ASTN2: variants seen among roughly 807,000 people sequenced by gnomAD.
ASTN2 encodes the protein astrotactin-2.
Under a neutral mutation model 139.8 loss-of-function variants are expected in ASTN2, and 54 were observed. The ratio of observed to expected loss-of-function variants is 0.39; its 90% CI spans 0.31 to 0.48. The LOEUF (loss-of-function observed/expected upper bound fraction) is 0.48. ASTN2 is among the 20% of genes least tolerant of loss of function. ASTN2 has a pLI of 0.95. For missense variants in ASTN2, 1,565 were observed against 1,725.1 expected, an observed-to-expected ratio of 0.91 and a Z score of 1.64; for synonymous variants, 756 against 719.5, an observed-to-expected ratio of 1.05 and a Z score of -0.81.
At position 117,040,563 on chromosome 9, in the gene ASTN2, A is replaced by G. The variant is rs377573901; in HGVS notation, c.1277-598T>C. On this transcript the variant is annotated intron_variant, in intron 5 of 22. Transcript: ENST00000313400. ...AACCTCCGCCACACGGGTTCAAGTG[A>G]TTCTCCCACTTCAGCCTCCTGAGTA... 8.7e-4 allele frequency among the ~76,000 whole-genome samples: 133 copies of G among 152,228 alleles called. 5 individuals are homozygous for G. In the East Asian group the frequency reaches 0.018, roughly 20 times the overall value.
At chr9:116,589,842 AG>A (rs991828569) in intron 19 of ASTN2, among the ~76,000 whole-genome samples, 1 of 152,198 alleles carries the variant, frequency 6.6e-6, no homozygotes, top group Non-Finnish European at 1.5e-5. Flanking sequence ...AAGTCCCCCT[AG>A]ATGTTGGGAC....
At chr9:117,016,612 ATATCTATC>A (rs201317557) in intron 6 of ASTN2, among the ~76,000 whole-genome samples, 277 of 5,268 alleles carry the variant, frequency 0.053, 23 homozygotes, top group East Asian at 0.31. Flanking sequence ...ATCTATATCT[ATATCTATC>A]TATCTATATA....
intron 11 of ASTN2, among the ~76,000 whole-genome samples, chr9:116,837,371 A>T (rs1832034242): frequency 6.6e-6 from 1 of 152,058 alleles, no homozygotes; most frequent in Non-Finnish European, 1.5e-5. Context: ...TCATAGGAAG[A>T]CTCTGAGCCC....
intron 12 of ASTN2, among the ~76,000 whole-genome samples, chr9:116,811,556 GCTAA>G (rs1483306413): frequency 5.3e-5 from 8 of 152,140 alleles, no homozygotes; most frequent in Non-Finnish European, 1.2e-4. Context: ...AGATTTTAGA[GCTAA>G]CTAAACTTGA....
intron 22 of ASTN2, among the ~76,000 whole-genome samples, chr9:116,437,024 A>G (rs190923159): frequency 0.022 from 3,150 of 142,638 alleles, 120 homozygotes; most frequent in African/African-American, 0.077. Flanking sequence ...ACACACGGAC[A>G]CAGGAAGGGG....
At chr9:116,946,936 C>CAAAAAAAAAAAAAAAAAAAA (rs3983292) in intron 10 of ASTN2, among the ~76,000 whole-genome samples, 32 of 127,878 alleles carry the variant, frequency 2.5e-4, no homozygotes, top group African/African-American at 9.8e-4. Context: ...ACATTTTTGT[C>CAAAAAAAAAAAAAAAAAAAA]AAAAAAAAAA....
chr9:117,378,000 A>C (rs572751961), intron 1 of ASTN2, among the ~76,000 whole-genome samples: 46 of 152,344 alleles, frequency 3.0e-4, no homozygotes, highest in South Asian at 1.2e-3. Flanking sequence ...GAAAGTGAGA[A>C]AGGGGATGCA....
Position 116,620,327 on chromosome 9 carries a change from G to A in ASTN2, c.3189C>T (p.Ser1063=). 1 of 1,614,136 alleles carries A rather than the reference G, an allele frequency of 6.2e-7. No individual in the cohort carries two copies. Among genetic ancestry groups the A allele is most frequent in the Non-Finnish European group, 8.5e-7 (1 of 1,180,030 alleles). ...ATACGTACACCGGCTGCAGAAGGGG[G>A]CTGCAGTTGGGGAGCCCATTGGCAT... ...AFDANGLPNC[S]PLLQPVLRLS... The change falls in exon 18 of 23, where the codon AGC becomes AGT. Residue 1063 remains serine, a synonymous_variant. Transcript: ENST00000313400.
intron 22 of ASTN2, among the ~76,000 whole-genome samples, chr9:116,426,960 C>T (rs1470386121): frequency 1.3e-5 from 2 of 152,106 alleles, no homozygotes; most frequent in Non-Finnish European, 2.9e-5. Context: ...TGCTGAAGAC[C>T]AGCCTTACCA....
intron 19 of ASTN2, among the ~76,000 whole-genome samples, chr9:116,507,991 C>T (rs1045360223): frequency 3.9e-5 from 6 of 152,240 alleles, no homozygotes; most frequent in South Asian, 2.1e-4. Flanking sequence ...TGGGTTCAGG[C>T]GGTTCTCCTG....
At position 116,729,018 on chromosome 9, in the gene ASTN2, T is replaced by C; in HGVS notation, c.2600A>G (p.Lys867Arg). ...WRVRSNLYRV[K>R]LSTITLAAGF... Reference sequence around the variant, plus strand: ...TGCTGCGAGGGTGATGGTGCTGAGCTTCACACGGTAGAGGTTGCTCCGGAC... The same window carrying C: ...TGCTGCGAGGGTGATGGTGCTGAGCCTCACACGGTAGAGGTTGCTCCGGAC... Residue 867 changes from lysine (K) to arginine (R), a missense_variant, in exon 15 of 23, where the codon AAG becomes AGG. Coordinates refer to ENST00000313400, the MANE Select transcript of ASTN2 (RefSeq NM_001365068.1). 6.3e-7 allele frequency: 1 copy of C among 1,585,694 alleles called. No homozygotes were observed. Among genetic ancestry groups the C allele is most frequent in the Non-Finnish European group, 8.6e-7 (1 of 1,164,880 alleles).
chr9:116,607,670 A>AACAC (rs57512218), intron 19 of ASTN2, among the ~76,000 whole-genome samples: 1,822 of 136,312 alleles, frequency 0.013, 17 homozygotes, highest in South Asian at 0.027. Flanking sequence ...TTAAGAAATT[A>AACAC]ACACACACAC....
At chr9:116,825,096 T>C (rs1831591479) in intron 11 of ASTN2, among the ~76,000 whole-genome samples, 1 of 152,206 alleles carries the variant, frequency 6.6e-6, no homozygotes, top group Non-Finnish European at 1.5e-5. Context: ...CTCGTGACCT[T>C]GGACAAGTCC....
At chr9:117,173,853 A>C (rs567859075) in intron 3 of ASTN2, among the ~76,000 whole-genome samples, 4 of 152,076 alleles carry the variant, frequency 2.6e-5, no homozygotes, top group African/African-American at 2.4e-5. Flanking sequence ...GATAAAAATT[A>C]ATGATATAGA....
In ASTN2 at chr9:117,331,075, G is replaced by A. The variant is rs116222390; in HGVS notation, c.443-39562C>T. On this transcript the variant is annotated intron_variant, in intron 1 of 22. Transcript: ENST00000313400. ...CTTGTGTAACCCACTTGGGTTTTCC[G>A]TCACTTTTGGCTGAATCACTTCTAA... Among the ~76,000 whole-genome samples, 392 of 152,240 alleles carry A rather than the reference G, an allele frequency of 2.6e-3. 2 individuals carry two copies. Among genetic ancestry groups the A allele is most frequent in the African/African-American group, 7.5e-3 (313 of 41,562 alleles).
chr9:116,905,941 T>G (rs775238298), intron 10 of ASTN2, among the ~76,000 whole-genome samples: 7 of 151,688 alleles, frequency 4.6e-5, no homozygotes, highest in Non-Finnish European at 8.8e-5. Flanking sequence ...TGGAAAATGC[T>G]TTCTCTGTCT....
At chr9:116,747,703 A>G (rs919361878) in intron 13 of ASTN2, among the ~76,000 whole-genome samples, 3 of 31,672 alleles carry the variant, frequency 9.5e-5, no homozygotes, top group African/African-American at 2.0e-4. Context: ...GCACACACAC[A>G]CACACACACA....
intron 10 of ASTN2, among the ~76,000 whole-genome samples, chr9:116,902,076 A>G (rs1384325745): frequency 6.6e-6 from 1 of 152,196 alleles, no homozygotes; most frequent in African/African-American, 2.4e-5. Context: ...GAAATAAAAT[A>G]AAATAAAAGT....
At chr9:116,946,951 A>AAC in intron 10 of ASTN2, among the ~76,000 whole-genome samples, 1 of 151,172 alleles carries the variant, frequency 6.6e-6, no homozygotes, top group Middle Eastern at 3.4e-3. Flanking sequence ...AAAAAAAAAA[A>AAC]CAACCCAGAT....
Sources: allele counts gnomAD v4.1 joint callset (sites outside exome capture counted in the v4.1 genomes callset), GRCh38; gene constraint gnomAD v4.1.1; transcripts MANE v1.5; gene names NCBI Gene and HGNC (gene_info 2026-07-23, HGNC 2026-07-21).